NFIB: variants seen among roughly 807,000 people sequenced by gnomAD.
The protein encoded by NFIB is nuclear factor I B, also known as nuclear factor 1 B-type.
NFIB carries 11 observed loss-of-function variants against 61.5 expected under a neutral mutation model. The observed-to-expected ratio is 0.18, with a 90% confidence interval of 0.11 to 0.30. The LOEUF (loss-of-function observed/expected upper bound fraction) is 0.30. Among genes scored for constraint, NFIB ranks in the 10% least tolerant of loss-of-function variants. NFIB has a pLI of 1.00. For missense variants in NFIB, 471 were observed against 608.9 expected (o/e 0.77, Z 2.38); for synonymous variants, 260 against 216.5 (o/e 1.20, Z -1.76).
At chr9:14,319,482 T>C (rs1358236946) in intron 1 of NFIB, among the ~76,000 whole-genome samples, 2 of 152,208 alleles carry the variant, frequency 1.3e-5, no homozygotes, top group Non-Finnish European at 2.9e-5. Flanking sequence ...GTTACAAAGG[T>C]TCCATATACT....
At chr9:14,103,348 G>C (rs868199064) in intron 10 of NFIB, among the ~76,000 whole-genome samples, 1 of 148,754 alleles carries the variant, frequency 6.7e-6, no homozygotes, top group Admixed American at 6.7e-5. Context: ...GGGTTGGGGG[G>C]GGGGAAACAC....
At chr9:14,444,584 A>G in the NFIB span, among the ~76,000 whole-genome samples, 5 of 152,268 alleles carry the variant, frequency 3.3e-5, no homozygotes, top group Admixed American at 3.3e-4. Context: ...TCATGATTAG[A>G]TGTTGAAAGA....
chr9:14,315,494 A>C (rs1187605437), upstream of NFIB, among the ~76,000 whole-genome samples: 40 of 136,708 alleles, frequency 2.9e-4, no homozygotes, highest in African/African-American at 9.4e-4. Context: ...GCGTCTCCCT[A>C]CCCGCCCGGG....
intron 1 of NFIB, among the ~76,000 whole-genome samples, chr9:14,352,147 A>G (rs984759067): frequency 6.6e-6 from 1 of 152,204 alleles, no homozygotes; most frequent in Non-Finnish European, 1.5e-5. Flanking sequence ...TAAAAATAAA[A>G]TCATAAAAGG....
intron 2 of NFIB, among the ~76,000 whole-genome samples, chr9:14,264,998 A>C (rs137972920): frequency 1.3e-5 from 2 of 152,280 alleles, no homozygotes; most frequent in Non-Finnish European, 1.5e-5. Context: ...CAACAGTGTT[A>C]AGTGAGTAGA....
At chr9:14,242,513 T>A (rs982996803) in intron 2 of NFIB, among the ~76,000 whole-genome samples, 4 of 152,206 alleles carry the variant, frequency 2.6e-5, no homozygotes, top group African/African-American at 9.7e-5. Context: ...AGTTTTACTT[T>A]AGAATTTAAT....
chr9:14,373,666 G>T (rs900344660), intron 1 of NFIB, among the ~76,000 whole-genome samples: 1 of 151,914 alleles, frequency 6.6e-6, no homozygotes. Context: ...GTGTGTGTGT[G>T]TGTGTGTGTG....
intron 3 of NFIB, among the ~76,000 whole-genome samples, chr9:14,160,564 A>G (rs1004111181): frequency 6.6e-6 from 1 of 152,316 alleles, no homozygotes; most frequent in African/African-American, 2.4e-5. Flanking sequence ...TTTTTGGCTC[A>G]ATAAACAGAT....
chr9:14,349,258 A>G (rs1194847328), intron 1 of NFIB, among the ~76,000 whole-genome samples: 1 of 152,148 alleles, frequency 6.6e-6, no homozygotes, highest in African/African-American at 2.4e-5. Context: ...ACCTGTGGGA[A>G]GGACAGTTCA....
Position 14,200,223 on chromosome 9 carries a change from G to A in NFIB, c.563-20443C>T, listed in dbSNP as rs528722699. ...TCCTCCTTAAAATATAGTAGTCAAT[G>A]GTGAAATTTGATGAAGAAAATGCAA... On this transcript the variant is annotated intron_variant, in intron 2 of 10. Transcript: ENST00000380953. Among the ~76,000 whole-genome samples, 10 of 152,176 alleles carry A rather than the reference G, an allele frequency of 6.6e-5. No individual in the cohort carries two copies. The East Asian group carries it at 1.9e-3, about 29-fold the overall frequency.
chr9:14,378,408 G>A (rs1268806989), intron 1 of NFIB, among the ~76,000 whole-genome samples: 5 of 152,122 alleles, frequency 3.3e-5, no homozygotes, highest in African/African-American at 1.2e-4. Flanking sequence ...CCAGGCTGGA[G>A]TGCAGTGGCG....
intron 2 of NFIB, among the ~76,000 whole-genome samples, chr9:14,233,189 T>C (rs541054183): frequency 1.3e-5 from 2 of 152,330 alleles, no homozygotes; most frequent in East Asian, 3.9e-4. Flanking sequence ...TAGTACGTTG[T>C]GTTGAAAATG....
At chr9:14,393,750 A>G (rs1588417267) in intron 1 of NFIB, among the ~76,000 whole-genome samples, 1 of 152,330 alleles carries the variant, frequency 6.6e-6, no homozygotes, top group South Asian at 2.1e-4. Flanking sequence ...GACCATTTCC[A>G]AGAACTGATA....
At chr9:14,236,453 GA>G (rs536672397) in intron 2 of NFIB, among the ~76,000 whole-genome samples, 42 of 152,270 alleles carry the variant, frequency 2.8e-4, no homozygotes, top group Admixed American at 8.5e-4. Context: ...AAATGCCCTA[GA>G]GTCCACGGGT....
At chr9:14,321,981 T>G (rs1354685582) in intron 1 of NFIB, 7 of 1,230,946 alleles carry the variant, frequency 5.7e-6, no homozygotes, top group Non-Finnish European at 7.1e-6. Flanking sequence ...ATCTTGAGTC[T>G]GTAACAGAAC....
At chr9:14,300,413 G>C (rs1204662053) in intron 2 of NFIB, among the ~76,000 whole-genome samples, 1 of 152,176 alleles carries the variant, frequency 6.6e-6, no homozygotes, top group Non-Finnish European at 1.5e-5. Context: ...ACATACATAG[G>C]AAAACCCCTT....
At chr9:14,433,356 C>T in the NFIB span, among the ~76,000 whole-genome samples, 2 of 152,172 alleles carry the variant, frequency 1.3e-5, no homozygotes, top group South Asian at 2.1e-4. Context: ...ACCCAAATGC[C>T]CACTTCAGAG....
In NFIB at chr9:14,308,825, C is replaced by G. The variant is rs147423203; in HGVS notation, c.31-1305G>C. Among the ~76,000 whole-genome samples the G allele has an allele frequency of 1.4e-4, 21 of 152,286 alleles. No individual in the cohort carries two copies. The East Asian group carries it at 2.1e-3, about 15-fold the overall frequency. ...AAGCCCTTTTTTTAAGGGAGGGGAT[C>G]AGTGAGGAATGGTGGATAATCTTTA... On this transcript the variant is annotated intron_variant, in intron 1 of 10. Coordinates refer to ENST00000380953, the MANE Select transcript of NFIB (RefSeq NM_001190737.2).
chr9:14,508,227 T>TTGTG, the NFIB span, among the ~76,000 whole-genome samples: 290 of 152,178 alleles, frequency 1.9e-3, 3 homozygotes, highest in African/African-American at 6.7e-3. Context: ...GTATATGTGT[T>TTGTG]TGTGTATGTG....
Sources: allele counts gnomAD v4.1 joint callset (sites outside exome capture counted in the v4.1 genomes callset), GRCh38; gene constraint gnomAD v4.1.1; transcripts MANE v1.5; gene names NCBI Gene and HGNC (gene_info 2026-07-23, HGNC 2026-07-21).